PER3: variants seen among roughly 807,000 people sequenced by gnomAD.
The protein encoded by PER3 is period circadian regulator 3.
A neutral mutation model predicts 127.2 loss-of-function variants in PER3; 107 were observed. The ratio of observed to expected loss-of-function variants is 0.84; its 90% confidence interval spans 0.72 to 0.99. The LOEUF is 0.99. Among genes scored for constraint, PER3 ranks in the 50% least tolerant of loss-of-function variants. The pLI, the probability that PER3 is intolerant of heterozygous loss-of-function variation, is 0.00. For missense variants in PER3, 1,560 were observed against 1,525.8 expected (o/e 1.02, Z -0.37); for synonymous variants, 618 against 585.8 (o/e 1.05, Z -0.79).
At chr1:7,807,103 T>A (rs943798198) in intron 10 of PER3, among the ~76,000 whole-genome samples, 1 of 152,116 alleles carries the variant, frequency 6.6e-6, no homozygotes, top group Non-Finnish European at 1.5e-5. Context: ...TTCTAGGTAC[T>A]GAAGATCCAG....
Position 7,784,661 on chromosome 1 carries a change from T to C in PER3, c.-217T>C, listed in dbSNP as rs2097076522. ...CTTGTCTCCTCCCCCTAGGCCGGAG[T>C]CCTGAAAGTCGAGCGAGCTCCGGGT... On this transcript the variant is annotated 5_prime_UTR_variant, in exon 2 of 22. Coordinates refer to ENST00000377532, the MANE Select transcript of PER3 (RefSeq NM_001377275.1). 1 of 457,338 alleles carries C rather than the reference T, an allele frequency of 2.2e-6. No homozygotes were observed. Among genetic ancestry groups the C allele is most frequent in the Admixed American group, 4.5e-5 (1 of 22,384 alleles). 28.3% of individuals were successfully genotyped at this position (457,338 alleles called of 1,614,324 possible).
intron 5 of PER3, among the ~76,000 whole-genome samples, chr1:7,791,847 C>T (rs1482247539): frequency 6.6e-6 from 1 of 152,194 alleles, no homozygotes; most frequent in Non-Finnish European, 1.5e-5. Context: ...CAACAAGTTC[C>T]TCATCTCTCT....
rs1045822042 is a variant in PER3 at position 7,793,984 on chromosome 1, T to G, written c.620T>G (p.Val207Gly). 1.1e-5 allele frequency: 17 copies of G among 1,613,884 alleles called. No individual in the cohort carries two copies. The highest frequency in any genetic ancestry group is 1.4e-5 in the Non-Finnish European group (17 of 1,179,894). The part of the protein sequence containing the change: ...RAAARYECAP[V>G]KPFFCRIRGG... ...GCTGCACGGTATGAATGTGCTCCGG[T>G]GAAACCTTTTTTCTGCAGGATCCGG... The change falls in exon 6 of 22, where the codon GTG becomes GGG. Residue 207 changes from valine to glycine, a missense_variant. This residue lies in a region of PER3 where 1,332 missense variants were observed against 1,223.6 expected (regional missense o/e 1.09). Coordinates refer to ENST00000377532, the MANE Select transcript of PER3 (RefSeq NM_001377275.1).
In PER3 at chr1:7,838,671, A is replaced by T. The variant is rs551279485; in HGVS notation, c.3549+1522A>T. On this transcript the variant is annotated intron_variant, in intron 21 of 21. Coordinates refer to ENST00000377532, the MANE Select transcript of PER3 (RefSeq NM_001377275.1). ...CGCCTCAGCCTCTCAAAGTGCTGGG[A>T]TTACAGGCAAGAGCCATATGAATTT... Among the ~76,000 whole-genome samples the T allele has an allele frequency of 2.6e-5, 4 of 152,276 alleles. No homozygotes were observed. The South Asian group carries it at 8.3e-4, about 32-fold the overall frequency.
chr1:7,786,873 G>A, intron 4 of PER3, 37 bp downstream of exon 4: 1 of 1,225,668 alleles, frequency 8.2e-7, no homozygotes, highest in South Asian at 1.2e-5. Context: ...CAACCTGGGT[G>A]ACTTTTCCTA....
rs539859175 is a variant in PER3 at position 7,785,945 on chromosome 1, C to T, written c.274+359C>T. On this transcript the variant is annotated intron_variant, in intron 3 of 21. Coordinates refer to ENST00000377532, the MANE Select transcript of PER3 (RefSeq NM_001377275.1). ...CCACGAAATAGTTACCTTTACATGC[C>T]GTACACATACTTTCAAAATGCAGTA... Among the ~76,000 whole-genome samples, 41 of 152,260 alleles carry T rather than the reference C, an allele frequency of 2.7e-4. No homozygotes were observed. In the East Asian group the frequency reaches 3.9e-3, roughly 14 times the overall value.
chr1:7,830,128 G>A lies in PER3; in HGVS notation c.3181G>A (p.Glu1061Lys), dbSNP rs113009468. The A allele has an allele frequency of 7.4e-5, 119 of 1,613,970 alleles. 1 individual carries two copies. The highest frequency in any genetic ancestry group is 3.1e-5 in the Non-Finnish European group (36 of 1,179,984). ...TVLSTGSPPS[E>K]SPSRTGSAAS... ...TCTGTCCACGGGGTCACCTCCCAGC[G>A]AATCCCCATCCAGAACTGGTTCAGC... The change falls in exon 19 of 22, where the codon GAA becomes AAA. Residue 1061 changes from glutamate to lysine, a missense_variant. By Grantham distance (56) the Glu-to-Lys change is moderately conservative. This residue lies in a region of PER3 where 199 missense variants were observed against 198.6 expected (regional missense o/e 1.00). Transcript: ENST00000377532.
intron 16 of PER3, among the ~76,000 whole-genome samples, chr1:7,823,196 A>T (rs910655618): frequency 6.6e-6 from 1 of 152,254 alleles, no homozygotes; most frequent in Non-Finnish European, 1.5e-5. Context: ...ATGGAAAAAG[A>T]TGCACAAGTG....
intron 2 of PER3, 77 bp downstream of exon 2, chr1:7,785,082 C>A (rs1326871926): frequency 4.0e-5 from 59 of 1,461,390 alleles, no homozygotes; most frequent in Non-Finnish European, 5.4e-5. Context: ...GGACCTAAAT[C>A]TTTTTATTCT....
rs1473172364 is a variant in PER3 at position 7,788,433 on chromosome 1, TTGTTTCCATTTTGTCACATC to T, written c.592+194_592+213del. On this transcript the variant is annotated intron_variant, in intron 5 of 21. Coordinates refer to ENST00000377532, the MANE Select transcript of PER3 (RefSeq NM_001377275.1). ...GCTTCTGATAACATACTCAATACGTTTGTTTCCATTTTGTCACATCTGTTTCACAGATGATATGTCATAAA... is the reference window on the plus strand; with the variant it reads ...GCTTCTGATAACATACTCAATACGTTTGTTTCACAGATGATATGTCATAAA... The T allele has an allele frequency of 5.2e-6, 3 of 580,754 alleles. No homozygotes were observed. In the African/African-American group the frequency reaches 5.6e-5, roughly 11 times the overall value. The allele number at this position is 580,754 out of a possible 1,614,324, so 36.0% of individuals were successfully genotyped here.
Position 7,803,783 on chromosome 1 carries a change from G to A in PER3, c.1071G>A (p.Trp357Ter). The change falls in exon 10 of 22, where the codon TGG becomes TGA. Residue 357 changes from tryptophan (W) to a stop codon, truncating the protein, a stop_gained. Coordinates refer to ENST00000377532, the MANE Select transcript of PER3 (RefSeq NM_001377275.1). LOFTEE classifies it high-confidence loss of function. The part of the protein sequence containing the change: ...NGDYIILDSS[W>*]SSFVNPWSRK... ...ACTACATCATACTGGATTCCAGTTG[G>A]TCCAGCTTTGTGAATCCCTGGAGCC... 6 of 1,613,402 alleles carry A rather than the reference G, an allele frequency of 3.7e-6. No homozygotes were observed. Among genetic ancestry groups the A allele is most frequent in the Non-Finnish European group, 5.1e-6 (6 of 1,179,376 alleles).
At chr1:7,796,838 A>T (rs2150591005) in intron 6 of PER3, among the ~76,000 whole-genome samples, 1 of 152,316 alleles carries the variant, frequency 6.6e-6, no homozygotes, top group African/African-American at 2.4e-5. Context: ...TTTTTAGAGA[A>T]CAAATTACCA....
chr1:7,808,814 T>C, intron 10 of PER3, 79 bp from the exon 11 acceptor site: 1 of 773,076 alleles, frequency 1.3e-6, no homozygotes, highest in South Asian at 1.5e-5. Flanking sequence ...CATAGATCTA[T>C]TCTTGGAATA....
At chr1:7,842,499 CAA>C (rs373923215) in intron 21 of PER3, 171 bp from the exon 22 acceptor site, 21 of 367,020 alleles carry the variant, frequency 5.7e-5, no homozygotes, top group Non-Finnish European at 6.2e-5. Flanking sequence ...GACTCTGTCT[CAA>C]AAAAAAAAAT....
chr1:7,786,804 A>T lies in PER3; in HGVS notation c.358A>T (p.Thr120Ser), dbSNP rs751663092. ...VSMYSLEELA[T>S]IASEHTSKNT... The stretch of plus-strand genomic sequence containing the variant: ...CATGTACAGTCTTGAGGAGCTGGCC[A>T]CTATCGCTTCAGAACACACTTCCAA... Residue 120 changes from threonine to serine, a missense_variant, in exon 4 of 22, where the codon ACT becomes TCT. Transcript: ENST00000377532. The T allele has an allele frequency of 6.2e-7, 1 of 1,608,030 alleles. No homozygotes were observed. Among genetic ancestry groups the T allele is most frequent in the Admixed American group, 1.7e-5 (1 of 59,994 alleles).
chr1:7,839,145 G>A (rs1450650027), intron 21 of PER3, among the ~76,000 whole-genome samples: 2 of 152,014 alleles, frequency 1.3e-5, no homozygotes, highest in South Asian at 2.1e-4. Context: ...TGGGGATTAC[G>A]TTTAGCATTC....
intron 17 of PER3, 52 bp from the exon 18 acceptor site, chr1:7,827,066 C>A (rs1031947069): frequency 5.3e-5 from 74 of 1,401,958 alleles, no homozygotes; most frequent in Non-Finnish European, 6.7e-5. Context: ...GCATCCTTCT[C>A]TTCTTTTTGG....
At chr1:7,823,785 T>C (rs552016064) in intron 16 of PER3, among the ~76,000 whole-genome samples, 1 of 152,238 alleles carries the variant, frequency 6.6e-6, no homozygotes, top group South Asian at 2.1e-4. Flanking sequence ...TACAACACTA[T>C]CAGCCACCTT....
intron 6 of PER3, among the ~76,000 whole-genome samples, chr1:7,795,218 A>T (rs1389697191): frequency 6.6e-6 from 1 of 152,174 alleles, no homozygotes; most frequent in Non-Finnish European, 1.5e-5. Context: ...TAAGTGCTGT[A>T]TGTGTTTCTG....
Sources: allele counts gnomAD v4.1 joint callset (sites outside exome capture counted in the v4.1 genomes callset), GRCh38; gene constraint gnomAD v4.1.1; regional missense constraint gnomAD v4.1.1; transcripts MANE v1.5; gene names NCBI Gene and HGNC (gene_info 2026-07-23, HGNC 2026-07-21).